The following EBF2 variants were observed in gnomAD, a reference collection of about 807,000 sequenced individuals.
EBF2 encodes transcription factor COE2.
A neutral mutation model predicts 72.8 loss-of-function variants in EBF2; 21 were observed. The ratio of observed to expected loss-of-function variants is 0.29; its 90% CI spans 0.20 to 0.42. The LOEUF (loss-of-function observed/expected upper bound fraction) is 0.42. Among genes scored for constraint, EBF2 ranks in the 10% least tolerant of loss-of-function variants. The pLI is 1.00. For synonymous variants in EBF2, 299 were observed against 274.2 expected (o/e 1.09, Z -0.89); for missense variants, 637 against 731.2 (o/e 0.87, Z 1.49).
At position 26,034,451 on chromosome 8, in the gene EBF2, C is replaced by A. The variant is rs940089460; in HGVS notation, c.483-1298G>T. Among the ~76,000 whole-genome samples the A allele has an allele frequency of 5.9e-5, 9 of 152,232 alleles. No homozygotes were observed. The East Asian group carries it at 1.5e-3, about 26-fold the overall frequency. Reference sequence around the variant, plus strand: ...AGCTGAGAGGGAGATAAAGAAGATCCCCTGGGGCAATTACAACAAACAGAA... The same window carrying A: ...AGCTGAGAGGGAGATAAAGAAGATCACCTGGGGCAATTACAACAAACAGAA... On this transcript the variant is annotated intron_variant, in intron 5 of 15. Transcript: ENST00000520164.
chr8:25,864,947 G>C (rs544242874), intron 10 of EBF2, among the ~76,000 whole-genome samples: 1 of 151,998 alleles, frequency 6.6e-6, no homozygotes, highest in Non-Finnish European at 1.5e-5. Context: ...ACAGGCGCGC[G>C]CCACCATGCC....
intron 6 of EBF2, among the ~76,000 whole-genome samples, chr8:25,945,149 C>G (rs116157013): frequency 0.023 from 2,929 of 127,292 alleles, 109 homozygotes; most frequent in African/African-American, 0.081. Context: ...GTGACCTGAG[C>G]TACAGTTCCT....
intron 15 of EBF2, among the ~76,000 whole-genome samples, chr8:25,848,843 A>G (rs4410916): frequency 0.54 from 82,034 of 151,998 alleles, 25,237 homozygotes; most frequent in African/African-American, 0.85. Flanking sequence ...CTGGGCCTCC[A>G]CTCGGGTTAA....
intron 15 of EBF2, among the ~76,000 whole-genome samples, chr8:25,850,385 A>G (rs182681009): frequency 0.017 from 2,663 of 152,286 alleles, 31 homozygotes; most frequent in Non-Finnish European, 0.028. Context: ...AAGTGCTGGG[A>G]TTACAGGCAT....
At chr8:26,011,200 G>A (rs1479140697) in intron 6 of EBF2, among the ~76,000 whole-genome samples, 1 of 152,170 alleles carries the variant, frequency 6.6e-6, no homozygotes, top group Non-Finnish European at 1.5e-5. Context: ...ATTGCATAGA[G>A]TTGGAAATAT....
rs546205567 is a variant in EBF2, at chr8:25,985,277, C to T, written c.551+47808G>A. Reference sequence around the variant, plus strand: ...TTAGCTGCTGCCTTCTCTGAAATACCCAGTGGCTACATATAAAATATACAG... The same window carrying T: ...TTAGCTGCTGCCTTCTCTGAAATACTCAGTGGCTACATATAAAATATACAG... On this transcript the variant is annotated intron_variant, in intron 6 of 15. Coordinates refer to ENST00000520164, the MANE Select transcript of EBF2 (RefSeq NM_022659.4). Among the ~76,000 whole-genome samples, 15 of 152,238 alleles carry T rather than the reference C, an allele frequency of 9.9e-5. No individual in the cohort carries two copies. The South Asian group carries it at 2.9e-3, about 30-fold the overall frequency.
chr8:25,879,911 C>A (rs1468774410), intron 10 of EBF2, among the ~76,000 whole-genome samples: 1 of 152,102 alleles, frequency 6.6e-6, no homozygotes, highest in Non-Finnish European at 1.5e-5. Context: ...AAAAGGTGAT[C>A]TTGTTGCCTT....
chr8:25,979,153 T>C (rs1804317479), intron 6 of EBF2, among the ~76,000 whole-genome samples: 1 of 152,152 alleles, frequency 6.6e-6, no homozygotes, highest in East Asian at 1.9e-4. Flanking sequence ...CACAAAACCA[T>C]CCCAAGTTGC....
chr8:25,980,763 C>T (rs1459932246), intron 6 of EBF2, among the ~76,000 whole-genome samples: 1 of 132,516 alleles, frequency 7.5e-6, no homozygotes, highest in African/African-American at 2.8e-5. Context: ...CTTTGACTTG[C>T]CTAATGACAC....
chr8:25,898,954 TTC>T, intron 7 of EBF2, among the ~76,000 whole-genome samples: 1 of 152,320 alleles, frequency 6.6e-6, no homozygotes, highest in South Asian at 2.1e-4. Flanking sequence ...TAGATTGTGT[TTC>T]CAGCTAACTG....
rs781520552 is a variant in EBF2, at chr8:25,861,205, C to T, written c.1186G>A (p.Ala396Thr). The change falls in exon 13 of 16, where the codon GCA becomes ACA. Residue 396 changes from alanine to threonine, a missense_variant. This residue lies in a region of EBF2 where 259 missense variants were observed against 268.1 expected (regional missense o/e 0.97). Coordinates refer to ENST00000520164, the MANE Select transcript of EBF2 (RefSeq NM_022659.4). ...CTGTAGAGAGCTTCAGCAATGTCTG[C>T]GGCTCGCTTCAAAATGATGTCCTAC... ...NNQDIILKRA[A>T]DIAEALYSVP... 2.0e-5 allele frequency: 33 copies of T among 1,612,950 alleles called. No homozygotes were observed. Among genetic ancestry groups the T allele is most frequent in the African/African-American group, 1.2e-4 (9 of 74,880 alleles).
chr8:25,912,566 TC>T (rs1284202660), intron 6 of EBF2, among the ~76,000 whole-genome samples: 29 of 151,358 alleles, frequency 1.9e-4, no homozygotes, highest in Admixed American at 1.9e-3. Flanking sequence ...GACTGCAGTG[TC>T]CCAAGTTGAA....
chr8:25,953,790 TC>T (rs2117171518), intron 6 of EBF2, among the ~76,000 whole-genome samples: 1 of 152,312 alleles, frequency 6.6e-6, no homozygotes, highest in East Asian at 1.9e-4. Context: ...TGAATGACAG[TC>T]CCTAGTTAGG....
chr8:25,921,861 T>C (rs1038702904), intron 6 of EBF2, among the ~76,000 whole-genome samples: 2 of 152,212 alleles, frequency 1.3e-5, no homozygotes, highest in Admixed American at 6.5e-5. Context: ...ACACCAGACC[T>C]GAGCACGCTC....
At chr8:25,884,559 T>G (rs1393398351) in intron 10 of EBF2, among the ~76,000 whole-genome samples, 1 of 152,190 alleles carries the variant, frequency 6.6e-6, no homozygotes, top group Non-Finnish European at 1.5e-5. Flanking sequence ...TTATTTTCTC[T>G]CTTGTCTGTC....
intron 4 of EBF2, 29 bp downstream of exon 4, chr8:26,040,587 G>T: frequency 6.5e-7 from 1 of 1,549,938 alleles, no homozygotes; most frequent in Non-Finnish European, 8.7e-7. Context: ...AGAGACAGGC[G>T]AAGAGAAGCC....
intron 6 of EBF2, among the ~76,000 whole-genome samples, chr8:25,968,706 C>T (rs1305162202): frequency 6.6e-6 from 1 of 152,204 alleles, no homozygotes; most frequent in Non-Finnish European, 1.5e-5. Flanking sequence ...GGATTACAGG[C>T]ATACACCACC....
chr8:25,871,759 A>G (rs1231817569), intron 10 of EBF2, among the ~76,000 whole-genome samples: 2 of 152,172 alleles, frequency 1.3e-5, no homozygotes, highest in Non-Finnish European at 2.9e-5. Flanking sequence ...ACTTTCATCA[A>G]TACCTTGAGA....
At position 26,040,692 on chromosome 8, in the gene EBF2, C is replaced by G. The variant is rs112071906; in HGVS notation, c.353-21G>C. On this transcript the variant is annotated intron_variant, in intron 3 of 15. Coordinates refer to ENST00000520164, the MANE Select transcript of EBF2 (RefSeq NM_022659.4). ...GACACCTGCGGGGACCGGAGGGGCACGAGTCAAGGGCCGTAGAGCCCCTTC... is the reference window on the plus strand; with the variant it reads ...GACACCTGCGGGGACCGGAGGGGCAGGAGTCAAGGGCCGTAGAGCCCCTTC... 5.5e-3 allele frequency: 8,489 copies of G among 1,553,194 alleles called. 407 individuals carry two copies. In the African/African-American group the frequency reaches 0.1, roughly 19 times the overall value.
Sources: gnomAD v4.1 joint callset for allele counts (sites outside exome capture counted in the v4.1 genomes callset) on GRCh38, gnomAD v4.1.1 for gene constraint, gnomAD v4.1.1 regional missense constraint, MANE v1.5 for transcripts, NCBI Gene and HGNC (gene_info 2026-07-23, HGNC 2026-07-21) for gene names.